DHRS4L2: variants seen among roughly 807,000 people sequenced by gnomAD.
DHRS4L2 encodes dehydrogenase/reductase SDR family member 4-like 2.
A neutral mutation model predicts 23.9 loss-of-function variants in DHRS4L2; 22 were observed. The observed-to-expected ratio is 0.92, with a 90% confidence interval of 0.66 to 1.31. DHRS4L2 has a LOEUF of 1.31. DHRS4L2 is among the 40% of genes most tolerant of loss of function. The probability of loss-of-function intolerance (pLI) is 0.00; values close to 1 mark genes in which losing one functional copy is unlikely to be tolerated. For missense variants in DHRS4L2, 385 were observed against 303.3 expected, an observed-to-expected ratio of 1.27 and a Z score of -2.00; for synonymous variants, 141 against 123.7, an observed-to-expected ratio of 1.14 and a Z score of -0.93.
intron 1 of DHRS4L2, among the ~76,000 whole-genome samples, chr14:23,973,354 G>A (rs113017224): frequency 2.6e-5 from 4 of 151,806 alleles, no homozygotes; most frequent in African/African-American, 4.8e-5. Context: ...CCCAGTTCCC[G>A]CCCATGCCTC....
chr14:24,004,317 G>C lies in DHRS4L2; in HGVS notation c.666-20G>C, dbSNP rs769070754. On this transcript the variant is annotated intron_variant, in intron 6 of 7. Transcript: ENST00000335125. ...AGGAAAAGAAAAAAAAACATAAAGAGATTTCCCTTCTTCCTACAGCTCTGG... is the reference window on the plus strand; with the variant it reads ...AGGAAAAGAAAAAAAAACATAAAGACATTTCCCTTCTTCCTACAGCTCTGG... The C allele has an allele frequency of 1.2e-5, 18 of 1,556,944 alleles. 1 individual carries two copies. The Admixed American group carries it at 3.1e-4, about 26-fold the overall frequency.
At chr14:23,996,838 T>C (rs1459312544) in intron 3 of DHRS4L2, among the ~76,000 whole-genome samples, 5 of 151,888 alleles carry the variant, frequency 3.3e-5, no homozygotes, top group Non-Finnish European at 5.9e-5. Flanking sequence ...TTTCACTGTG[T>C]TGCTCAGGCT....
At chr14:23,977,684 T>C (rs1293863564) in intron 1 of DHRS4L2, among the ~76,000 whole-genome samples, 1 of 151,702 alleles carries the variant, frequency 6.6e-6, no homozygotes, top group Non-Finnish European at 1.5e-5. Context: ...AGCTTTCTTA[T>C]TTTTCTTCTT....
Position 24,001,276 on chromosome 14 carries a change from C to T in DHRS4L2, c.532-108C>T, listed in dbSNP as rs998867127. ...GCCACAAGACAGTTTCCTAACTCTG[C>T]CCCTCCCTTACAGGAGATCCCTACT... On this transcript the variant is annotated intron_variant, in intron 5 of 7. Transcript: ENST00000335125. 34 of 1,564,530 alleles carry T rather than the reference C, an allele frequency of 2.2e-5. 6 individuals are homozygous for T. The highest frequency in any genetic ancestry group is 1.7e-4 in the African/African-American group (12 of 68,814).
chr14:23,998,229 G>T (rs1441081813), intron 3 of DHRS4L2, among the ~76,000 whole-genome samples: 2 of 151,834 alleles, frequency 1.3e-5, no homozygotes, highest in Non-Finnish European at 1.5e-5. Flanking sequence ...AGGCTTTGTT[G>T]TTCCATTTAC....
chr14:23,973,114 T>A (rs1442937243), intron 1 of DHRS4L2, among the ~76,000 whole-genome samples: 1 of 151,912 alleles, frequency 6.6e-6, no homozygotes, highest in Non-Finnish European at 1.5e-5. Flanking sequence ...CAAGAGGCTT[T>A]CCTCTTTTAC....
At chr14:23,990,652 T>A (rs2034250902) in intron 2 of DHRS4L2, 3 of 1,191,722 alleles carry the variant, frequency 2.5e-6, no homozygotes, top group African/African-American at 1.6e-5. Context: ...AAAATAGATG[T>A]TCCCACCCAT....
In DHRS4L2 at chr14:24,006,014, G is replaced by A; in HGVS notation, c.*151G>A. 4.4e-6 allele frequency: 7 copies of A among 1,603,514 alleles called. No homozygotes were observed. Among genetic ancestry groups the A allele is most frequent in the Non-Finnish European group, 6.0e-6 (7 of 1,175,856 alleles). Reference sequence around the variant, plus strand: ...TCCCGCCTCTGAGGACCGGGAGACAGCCCACAGGCCAGAGTTGGGCTCTAG... The same window carrying A: ...TCCCGCCTCTGAGGACCGGGAGACAACCCACAGGCCAGAGTTGGGCTCTAG... On this transcript the variant is annotated 3_prime_UTR_variant, in exon 8 of 8. Transcript: ENST00000335125.
chr14:23,985,209 C>T (rs921611346), upstream of DHRS4L2, among the ~76,000 whole-genome samples: 8 of 151,606 alleles, frequency 5.3e-5, no homozygotes, highest in Admixed American at 2.6e-4. Flanking sequence ...ATCATATAGC[C>T]TTCAGTGGAA....
At chr14:23,972,233 T>C (rs565777961) in intron 1 of DHRS4L2, among the ~76,000 whole-genome samples, 1 of 152,154 alleles carries the variant, frequency 6.6e-6, no homozygotes, top group East Asian at 1.9e-4. Flanking sequence ...AGTTTGTTCC[T>C]TCTGATGTTC....
Position 23,982,981 on chromosome 14 carries a change from T to A in DHRS4L2, c.-175-7201T>A, listed in dbSNP as rs140228583. Among the ~76,000 whole-genome samples, 25 of 151,522 alleles carry A rather than the reference T, an allele frequency of 1.6e-4. 1 individual carries two copies. The highest frequency in any genetic ancestry group is 6.0e-4 in the African/African-American group (25 of 41,350). ...CAGGACACGGGTATGGGCAAAGACTTCATAACTAAAACACCAAAAGCAATG... is the reference window on the plus strand; with the variant it reads ...CAGGACACGGGTATGGGCAAAGACTACATAACTAAAACACCAAAAGCAATG... On this transcript the variant is annotated intron_variant, in intron 1 of 5. Coordinates refer to the DHRS4L2 transcript ENST00000534993.
intron 1 of DHRS4L2, among the ~76,000 whole-genome samples, chr14:23,975,034 A>G (rs933560402): frequency 1.1e-4 from 16 of 151,612 alleles, no homozygotes; most frequent in African/African-American, 3.9e-4. Flanking sequence ...CAGCATAAGG[A>G]TGCATTCTCT....
chr14:23,973,443 G>A (rs374848989), intron 1 of DHRS4L2, among the ~76,000 whole-genome samples: 5 of 151,922 alleles, frequency 3.3e-5, no homozygotes, highest in South Asian at 2.1e-4. Context: ...ACAGTGCAGC[G>A]GCGGGCTGAA....
intron 1 of DHRS4L2, among the ~76,000 whole-genome samples, chr14:23,980,567 C>A (rs2034033992): frequency 6.8e-6 from 1 of 147,130 alleles, no homozygotes; most frequent in African/African-American, 2.5e-5. Context: ...AAAATACTGG[C>A]AAACTGAATC....
intron 1 of DHRS4L2, among the ~76,000 whole-genome samples, chr14:23,983,030 T>C (rs1437797651): frequency 6.6e-6 from 1 of 151,338 alleles, no homozygotes; most frequent in Non-Finnish European, 1.5e-5. Context: ...AATAGACAAA[T>C]TGGACCTGAT....
At chr14:23,990,140 C>A (rs1213902118) in intron 1 of DHRS4L2, 42 bp from the exon 2 acceptor site, 1 of 1,605,690 alleles carries the variant, frequency 6.2e-7, no homozygotes, top group Admixed American at 1.7e-5. Flanking sequence ...GACCTCTTCC[C>A]CTGCACAGGC....
At chr14:23,972,720 C>T (rs542978005) in intron 1 of DHRS4L2, among the ~76,000 whole-genome samples, 31 of 151,994 alleles carry the variant, frequency 2.0e-4, no homozygotes, top group African/African-American at 5.3e-4. Context: ...GGACCTGCAC[C>T]GGCACCGGTC....
chr14:23,988,109 A>G (rs1308141876), upstream of DHRS4L2, among the ~76,000 whole-genome samples: 1 of 151,308 alleles, frequency 6.6e-6, no homozygotes, highest in Non-Finnish European at 1.5e-5. Context: ...TGTGCTTAGT[A>G]GCTTACAGTT....
rs368833070 is a variant in DHRS4L2 at position 23,993,347 on chromosome 14, C to A, written c.307-1685C>A. Among the ~76,000 whole-genome samples the A allele has an allele frequency of 1.2e-4, 18 of 151,692 alleles. 2 individuals are homozygous for A. The highest frequency in any genetic ancestry group is 8.5e-4 in the Admixed American group (13 of 15,254). On this transcript the variant is annotated intron_variant, in intron 2 of 7. Transcript: ENST00000335125. Reference sequence around the variant, plus strand: ...AAATTTTGTTAGATTAACACGTTGACAAACCCAGCATTCCTTCCACTGTCT... The same window carrying A: ...AAATTTTGTTAGATTAACACGTTGAAAAACCCAGCATTCCTTCCACTGTCT...
Sources: allele counts gnomAD v4.1 joint callset (sites outside exome capture counted in the v4.1 genomes callset), GRCh38; gene constraint gnomAD v4.1.1; transcripts MANE v1.5; gene names NCBI Gene and HGNC (gene_info 2026-07-23, HGNC 2026-07-21).